The following LYPD6 variants were observed in gnomAD, a reference collection of about 807,000 sequenced individuals.
LYPD6 encodes ly6/PLAUR domain-containing protein 6.
In LYPD6, 15 loss-of-function variants were observed where a neutral mutation model predicts 22.7. That is an observed-to-expected ratio of 0.66 (90% CI 0.44 to 1.02). LYPD6 has a LOEUF of 1.02. Ranked by LOEUF, LYPD6 falls within the 50% of genes least tolerant of loss-of-function variation. The pLI is 0.00. For synonymous variants in LYPD6, 72 were observed against 77.5 expected (o/e 0.93, Z 0.37); for missense variants, 189 against 208.4 (o/e 0.91, Z 0.57).
chr2:149,428,457 G>A (rs1683232403), intron 1 of LYPD6, among the ~76,000 whole-genome samples: 3 of 152,186 alleles, frequency 2.0e-5, no homozygotes, highest in Non-Finnish European at 4.4e-5. Context: ...TAGCCAGCAA[G>A]TTTCATTCTC....
the LYPD6 span, among the ~76,000 whole-genome samples, chr2:149,484,414 T>G: frequency 6.6e-6 from 1 of 152,206 alleles, no homozygotes; most frequent in Non-Finnish European, 1.5e-5. Context: ...TGGAAAATCC[T>G]TTTCAGACTA....
At chr2:149,442,429 C>T (rs532249590) in intron 2 of LYPD6, among the ~76,000 whole-genome samples, 95 of 152,206 alleles carry the variant, frequency 6.2e-4, no homozygotes, top group African/African-American at 2.2e-3. Flanking sequence ...GGCACTTTGG[C>T]GTTTCTTTTT....
At chr2:149,468,877 T>A (rs1681269546) in intron 4 of LYPD6, 102 bp downstream of exon 4, 2 of 1,249,660 alleles carry the variant, frequency 1.6e-6, no homozygotes, top group Non-Finnish European at 2.2e-6. Flanking sequence ...CCGTGAAGGC[T>A]GTCTTTTGAT....
In LYPD6 at chr2:149,371,748, G is replaced by A. The variant is rs189230303; in HGVS notation, c.-72+41026G>A. On this transcript the variant is annotated intron_variant, in intron 1 of 4. Transcript: ENST00000334166. ...CACTTAACTAGTGTTTGTGCTACCA[G>A]AGGATGCAGAGGGCAGACTTTCCAG... 1.2e-3 allele frequency among the ~76,000 whole-genome samples: 181 copies of A among 152,328 alleles called. 1 individual carries two copies. Among genetic ancestry groups the A allele is most frequent in the Non-Finnish European group, 2.1e-3 (145 of 68,032 alleles).
At chr2:149,377,788 C>T (rs1400444931) in intron 1 of LYPD6, among the ~76,000 whole-genome samples, 1 of 120,044 alleles carries the variant, frequency 8.3e-6, no homozygotes, top group Non-Finnish European at 1.8e-5. Flanking sequence ...CCCACCCCCC[C>T]CCCCACCCCC....
chr2:149,374,613 A>G (rs946381410), intron 1 of LYPD6, among the ~76,000 whole-genome samples: 47 of 152,320 alleles, frequency 3.1e-4, no homozygotes, highest in African/African-American at 1.1e-3. Flanking sequence ...CTTAAGAGAA[A>G]TGATCTATAT....
Position 149,454,880 on chromosome 2 carries a change from G to A in LYPD6, c.217+5733G>A, listed in dbSNP as rs562390126. Among the ~76,000 whole-genome samples the A allele has an allele frequency of 8.5e-5, 13 of 152,154 alleles. No homozygotes were observed. In the East Asian group the frequency reaches 9.7e-4, roughly 11 times the overall value. ...CTTCTCTGAACCTCATTTCTCCTGC[G>A]GCTGCCCTGCTAGCTCTGATCTCCT... On this transcript the variant is annotated intron_variant, in intron 3 of 4. Coordinates refer to ENST00000334166, the MANE Select transcript of LYPD6 (RefSeq NM_194317.5).
At chr2:149,468,282 A>G (rs565344157) in intron 3 of LYPD6, among the ~76,000 whole-genome samples, 2 of 151,924 alleles carry the variant, frequency 1.3e-5, no homozygotes, top group South Asian at 2.1e-4. Flanking sequence ...TTGTCCTTTC[A>G]TCTTCCTTAA....
chr2:149,383,634 T>C (rs939127905), intron 1 of LYPD6, among the ~76,000 whole-genome samples: 1 of 152,184 alleles, frequency 6.6e-6, no homozygotes, highest in African/African-American at 2.4e-5. Flanking sequence ...AAGCCTTCCA[T>C]GTACTGTGTA....
At chr2:149,401,689 T>C (rs1445241118) in intron 1 of LYPD6, among the ~76,000 whole-genome samples, 1 of 152,220 alleles carries the variant, frequency 6.6e-6, no homozygotes, top group East Asian at 1.9e-4. Context: ...CCAGATCTTT[T>C]ATTTTTAGTA....
chr2:149,346,259 TAA>T (rs34614093), intron 1 of LYPD6, among the ~76,000 whole-genome samples: 1 of 152,034 alleles, frequency 6.6e-6, no homozygotes, highest in South Asian at 2.1e-4. Context: ...TTTTTCTATT[TAA>T]AAAAATGCAT....
At chr2:149,348,916 G>A (rs528348556) in intron 1 of LYPD6, among the ~76,000 whole-genome samples, 40 of 152,264 alleles carry the variant, frequency 2.6e-4, no homozygotes, top group Admixed American at 3.3e-4. Context: ...TGTCTATTTG[G>A]AAAGAGTGGA....
intron 1 of LYPD6, among the ~76,000 whole-genome samples, chr2:149,347,684 A>G (rs1344474862): frequency 1.3e-5 from 2 of 152,132 alleles, no homozygotes; most frequent in Non-Finnish European, 2.9e-5. Context: ...AGCACTTAAG[A>G]AACTATCTCT....
At chr2:149,367,167 G>A (rs1236203602) in intron 1 of LYPD6, among the ~76,000 whole-genome samples, 1 of 152,108 alleles carries the variant, frequency 6.6e-6, no homozygotes, top group African/African-American at 2.4e-5. Context: ...GTATGGCTTA[G>A]GTGGGTCCTG....
At chr2:149,459,631 G>A (rs1454256409) in intron 3 of LYPD6, among the ~76,000 whole-genome samples, 3 of 152,230 alleles carry the variant, frequency 2.0e-5, no homozygotes, top group African/African-American at 4.8e-5. Flanking sequence ...GCCAGGCACA[G>A]TGGCTTATGC....
chr2:149,407,878 T>C (rs559310506), intron 1 of LYPD6, among the ~76,000 whole-genome samples: 1 of 152,152 alleles, frequency 6.6e-6, no homozygotes, highest in African/African-American at 2.4e-5. Context: ...CTACTTTTGG[T>C]CTTTGATGAT....
chr2:149,437,267 C>T lies in LYPD6; in HGVS notation c.-71-371C>T, dbSNP rs1440237436. On this transcript the variant is annotated intron_variant, in intron 1 of 4. Coordinates refer to ENST00000334166, the MANE Select transcript of LYPD6 (RefSeq NM_194317.5). ...AGTATGGCTGAACTCCCTATCTGAC[C>T]TGCACCATTCTCAGGGAAATGCTTC... Among the ~76,000 whole-genome samples, 3 of 152,178 alleles carry T rather than the reference C, an allele frequency of 2.0e-5. No homozygotes were observed. The East Asian group carries it at 5.8e-4, about 29-fold the overall frequency.
rs534980679 is a variant in LYPD6, at chr2:149,418,040, C to T, written c.-71-19598C>T. Among the ~76,000 whole-genome samples the T allele has an allele frequency of 4.1e-4, 62 of 152,288 alleles. 3 individuals are homozygous for T. The South Asian group carries it at 0.01, about 25-fold the overall frequency. On this transcript the variant is annotated intron_variant, in intron 1 of 4. Transcript: ENST00000334166. ...AATATTGGAGGAGAAATGCTTTGTTCACTCGTCTTGTGGTAAGCAGGACTG... is the reference window on the plus strand; with the variant it reads ...AATATTGGAGGAGAAATGCTTTGTTTACTCGTCTTGTGGTAAGCAGGACTG...
intron 1 of LYPD6, among the ~76,000 whole-genome samples, chr2:149,400,090 G>C (rs982391127): frequency 3.9e-5 from 6 of 152,240 alleles, no homozygotes; most frequent in African/African-American, 1.4e-4. Flanking sequence ...CAGCTGGAGA[G>C]AGTGTCCTGG....
Sources: gnomAD v4.1 joint callset for allele counts (sites outside exome capture counted in the v4.1 genomes callset) on GRCh38, gnomAD v4.1.1 for gene constraint, MANE v1.5 for transcripts, NCBI Gene and HGNC (gene_info 2026-07-23, HGNC 2026-07-21) for gene names.